P2RX6: variants seen among roughly 807,000 people sequenced by gnomAD.
The protein encoded by P2RX6 is P2X purinoceptor 6.
A neutral mutation model predicts 54.2 loss-of-function variants in P2RX6; 62 were observed. That is an observed-to-expected ratio of 1.14 (90% confidence interval 0.93 to 1.41). The LOEUF (loss-of-function observed/expected upper bound fraction) is 1.41, where lower values mean the gene tolerates loss of function less well. Among genes scored for constraint, P2RX6 ranks in the 40% most tolerant of loss-of-function variants. The probability of loss-of-function intolerance (pLI) is 0.00; values close to 1 mark genes in which losing one functional copy is unlikely to be tolerated. For missense variants in P2RX6, 541 were observed against 566.3 expected (o/e 0.96, Z 0.45); for synonymous variants, 211 against 231.9 (o/e 0.91, Z 0.82).
chr22:21,017,642 G>T (rs1431621762), intron 2 of P2RX6, among the ~76,000 whole-genome samples: 3 of 152,224 alleles, frequency 2.0e-5, no homozygotes, highest in Non-Finnish European at 4.4e-5. Context: ...TTGAGTCCAG[G>T]AGTTAGAGGT....
chr22:21,019,756 G>A (rs1352737643), intron 3 of P2RX6, among the ~76,000 whole-genome samples: 1 of 152,254 alleles, frequency 6.6e-6, no homozygotes, highest in Non-Finnish European at 1.5e-5. Context: ...TTTATTGACA[G>A]CAAGCCAGTG....
At position 21,026,456 on chromosome 22, in the gene P2RX6, A is replaced by G. The variant is rs201964496; in HGVS notation, c.1165A>G (p.Arg389Gly). The G allele has an allele frequency of 6.2e-7, 1 of 1,604,012 alleles. No homozygotes were observed. Among genetic ancestry groups the G allele is most frequent in the Non-Finnish European group, 8.5e-7 (1 of 1,175,780 alleles). Reference sequence around the variant, plus strand: ...GAAAGCAACCGCCAACTCTGTGTGGAGGGAGCTGGCCCTTGCATCCCAAGC... The same window carrying G: ...GAAAGCAACCGCCAACTCTGTGTGGGGGGAGCTGGCCCTTGCATCCCAAGC... ...APKATANSVW[R>G]ELALASQARL... The change falls in exon 12 of 12, where the codon AGG becomes GGG. Residue 389 changes from arginine (R) to glycine (G), a missense_variant. This residue lies in a region of P2RX6 where 526 missense variants were observed against 531.5 expected (regional missense o/e 0.99). Coordinates refer to ENST00000413302, the MANE Select transcript of P2RX6 (RefSeq NM_005446.5). The surrounding 1 kb of genome is among the most constrained non-coding windows in gnomAD (Gnocchi z 4.0).
chr22:21,014,211 C>G (rs1251421052), upstream of P2RX6: 2 of 153,870 alleles, frequency 1.3e-5, no homozygotes, highest in Non-Finnish European at 2.9e-5. Context: ...TGGCAGGAAC[C>G]GCTCATCGTT....
intron 3 of P2RX6, 102 bp from the exon 4 acceptor site, chr22:21,022,574 G>C: frequency 1.2e-6 from 1 of 811,108 alleles, no homozygotes; most frequent in Non-Finnish European, 1.9e-6. Flanking sequence ...AGGTGGGAAG[G>C]GGGCCTGTCC....
At position 21,015,949 on chromosome 22, in the gene P2RX6, C is replaced by G; in HGVS notation, c.172C>G (p.Leu58Val). The G allele has an allele frequency of 1.9e-6, 3 of 1,549,720 alleles. No individual in the cohort carries two copies. Among genetic ancestry groups the G allele is most frequent in the Non-Finnish European group, 2.6e-6 (3 of 1,146,908 alleles). ...GIVVYVVGWA[L>V]LAKKGYQERD... ...CCGACTTCTCCTCCCCAGGTGGGCT[C>G]TCCTCGCCAAAAAAGGCTACCAGGA... Residue 58 changes from leucine (L) to valine (V), a missense_variant, in exon 2 of 12, where the codon CTC becomes GTC. By Grantham distance (32) the Leu-to-Val change is conservative. Transcript: ENST00000413302.
In P2RX6 at chr22:21,023,601, G is replaced by A. The variant is rs904013035; in HGVS notation, c.873G>A (p.Glu291=). Residue 291 remains glutamate, a synonymous_variant, in exon 8 of 12, where the codon GAG becomes GAA. Transcript: ENST00000413302. ...CTCACTACTCCTTCCAGCTGCAGGA[G>A]AAGAGCTACAACTTCAGGTGAGGCC... ...CWPHYSFQLQ[E]KSYNFRTATH... is the part of the protein sequence containing the mutation. 2.5e-6 allele frequency: 4 copies of A among 1,609,708 alleles called. No homozygotes were observed. Among genetic ancestry groups the A allele is most frequent in the African/African-American group, 2.7e-5 (2 of 74,990 alleles).
At chr22:21,013,913 A>T (rs1601739326), upstream of P2RX6, 1 of 152,398 alleles carries the variant, frequency 6.6e-6, no homozygotes, top group Admixed American at 6.5e-5. Context: ...TGATGCCGCC[A>T]GGAGCGCCGA....
At position 21,015,981 on chromosome 22, in the gene P2RX6, C is replaced by T. The variant is rs746213556; in HGVS notation, c.204C>T (p.Asp68=). The part of the protein sequence containing the change: ...LLAKKGYQER[D]LEPQFSIITK... Reference sequence around the variant, plus strand: ...CCAAAAAAGGCTACCAGGAGCGGGACCTGGAACCCCAGTTTTCCATCATCA... The same window carrying T: ...CCAAAAAAGGCTACCAGGAGCGGGATCTGGAACCCCAGTTTTCCATCATCA... Residue 68 remains aspartate (D), a synonymous_variant, in exon 2 of 12, where the codon GAC becomes GAT. Coordinates refer to ENST00000413302, the MANE Select transcript of P2RX6 (RefSeq NM_005446.5). 1.3e-6 allele frequency: 2 copies of T among 1,550,094 alleles called. No homozygotes were observed. Among genetic ancestry groups the T allele is most frequent in the South Asian group, 2.4e-5 (2 of 83,996 alleles).
rs989236941 is a variant in P2RX6, at chr22:21,016,071, C to T, written c.294C>T (p.Ala98=). The change falls in exon 2 of 12, where the codon GCC becomes GCT. Residue 98 remains alanine (A), a synonymous_variant. Transcript: ENST00000413302. ...KELGNRLWDV[A]DFVKPPQGEN... ...TTGGAAACCGGCTGTGGGATGTGGC[C>T]GACTTCGTGAAGCCACCTCAGGTGG... The T allele has an allele frequency of 6.4e-6, 10 of 1,563,378 alleles. No homozygotes were observed. The highest frequency in any genetic ancestry group is 5.7e-5 in the Admixed American group (3 of 52,770).
At position 21,015,942 on chromosome 22, in the gene P2RX6, G is replaced by T. The variant is rs1225008991; in HGVS notation, c.165G>T (p.Gly55=). The T allele has an allele frequency of 3.2e-6, 5 of 1,549,480 alleles. No individual in the cohort carries two copies. The African/African-American group carries it at 6.9e-5, about 21-fold the overall frequency. Residue 55 remains glycine, a splice_region_variant and synonymous_variant, in exon 2 of 12, where the codon GGG becomes GGT. Coordinates refer to ENST00000413302, the MANE Select transcript of P2RX6 (RefSeq NM_005446.5). ...ACACTGCCCGACTTCTCCTCCCCAG[G>T]TGGGCTCTCCTCGCCAAAAAAGGCT... is the stretch of plus-strand genomic sequence containing the variant. ...LQFGIVVYVV[G]WALLAKKGYQ...
chr22:21,015,879 T>G, intron 1 of P2RX6, 63 bp from the exon 2 acceptor site: 1 of 1,502,660 alleles, frequency 6.7e-7, no homozygotes, highest in Non-Finnish European at 9.0e-7. Flanking sequence ...CATGTAGGGC[T>G]CAGCTCCGCC....
chr22:21,024,730 C>T (rs939945541), intron 8 of P2RX6, among the ~76,000 whole-genome samples: 5 of 151,844 alleles, frequency 3.3e-5, no homozygotes, highest in African/African-American at 1.2e-4. Context: ...ACCACCACAC[C>T]CAACTAATTT....
In P2RX6 at chr22:21,026,109, G is replaced by A; in HGVS notation, c.1050+33G>A. On this transcript the variant is annotated intron_variant, in intron 10 of 11. Coordinates refer to ENST00000413302, the MANE Select transcript of P2RX6 (RefSeq NM_005446.5). This position sits in a 1 kb window ranked among gnomAD's most constrained non-coding sequence, Gnocchi z 4.0. ...CGAGCACTGTGGGCACCTGCAGGCT[G>A]CAGTGAGTGCTGCTGACCAGGGTGT... 1.3e-6 allele frequency: 2 copies of A among 1,590,766 alleles called. No homozygotes were observed. Among genetic ancestry groups the A allele is most frequent in the Non-Finnish European group, 1.7e-6 (2 of 1,167,712 alleles).
At chr22:21,015,055 T>G, upstream of P2RX6, 1 of 579,448 alleles carries the variant, frequency 1.7e-6, no homozygotes. Context: ...GGCTGGGTGT[T>G]GGAGGCTGGA....
chr22:21,025,596 G>A (rs910102549), intron 8 of P2RX6, among the ~76,000 whole-genome samples: 5 of 152,230 alleles, frequency 3.3e-5, no homozygotes, highest in African/African-American at 4.8e-5. Context: ...TCTGTCCCCC[G>A]TCCTCTCAGC....
chr22:21,019,958 A>G (rs2148036241), intron 3 of P2RX6, among the ~76,000 whole-genome samples: 1 of 152,356 alleles, frequency 6.6e-6, no homozygotes, highest in East Asian at 1.9e-4. Context: ...CCTTGCCCTC[A>G]TTCCGGTAAA....
upstream of P2RX6, chr22:21,012,450 G>C (rs1925790051): frequency 2.3e-6 from 1 of 437,378 alleles, no homozygotes; most frequent in Non-Finnish European, 4.3e-6. Flanking sequence ...ACATGGCCCA[G>C]CTTTCAGGGG....
chr22:21,012,352 C>T (rs1168871025), upstream of P2RX6, among the ~76,000 whole-genome samples: 4 of 152,156 alleles, frequency 2.6e-5, no homozygotes, highest in Admixed American at 2.6e-4. Flanking sequence ...ATCAGCTGCA[C>T]AGCAGAGGGT....
At chr22:21,011,610 C>T, upstream of P2RX6, 2 of 713,232 alleles carry the variant, frequency 2.8e-6, no homozygotes, top group South Asian at 3.0e-5. Context: ...GGAGCCACTC[C>T]TCAGCCAGTG....
Sources: gnomAD v4.1 joint callset for allele counts (sites outside exome capture counted in the v4.1 genomes callset) on GRCh38, gnomAD v4.1.1 for gene constraint, gnomAD v4.1.1 regional missense constraint, Gnocchi (gnomAD v3.1) non-coding constraint, MANE v1.5 for transcripts, NCBI Gene and HGNC (gene_info 2026-07-23, HGNC 2026-07-21) for gene names.